Variants in ENTPD8 observed in about 807,000 individuals in gnomAD.
The protein encoded by ENTPD8 is E-NTPDase 8.
ENTPD8 carries 35 observed loss-of-function variants against 47.0 expected under a neutral mutation model. The ratio of observed to expected loss-of-function variants is 0.75; its 90% CI spans 0.57 to 0.99. ENTPD8 has a LOEUF of 0.99. Among genes scored for constraint, ENTPD8 ranks in the 50% least tolerant of loss-of-function variants. The probability of loss-of-function intolerance (pLI) is 0.00; values close to 1 mark genes in which losing one functional copy is unlikely to be tolerated. For synonymous variants in ENTPD8, 308 were observed against 290.5 expected (o/e 1.06, Z -0.61); for missense variants, 668 against 649.9 (o/e 1.03, Z -0.30).
rs1839288661 is a variant in ENTPD8 at position 137,434,750 on chromosome 9, C to G, written c.*164G>C. The stretch of plus-strand genomic sequence containing the variant: ...GACGCCGGGAGGGGAGGTCATGCAG[C>G]CTCTGTGGCCAGCACCACCCTGACG... On this transcript the variant is annotated 3_prime_UTR_variant, in exon 10 of 10. Transcript: ENST00000371506. 4.4e-6 allele frequency: 4 copies of G among 901,386 alleles called. No homozygotes were observed. The East Asian group carries it at 8.3e-5, about 19-fold the overall frequency. The allele number at this position is 901,386 out of a possible 1,614,324, so 55.8% of individuals were successfully genotyped here.
In ENTPD8 at chr9:137,435,852, G is replaced by A. The variant is rs755028105; in HGVS notation, c.1051-23C>T. 6 of 1,609,890 alleles carry A rather than the reference G, an allele frequency of 3.7e-6. No individual in the cohort carries two copies. The Admixed American group carries it at 6.7e-5, about 18-fold the overall frequency. ...GGCCTGAGTGAGAGGGGAGGTGGCTGTGCCTTCGCTGTGGCCACGCTGGGC... is the reference window on the plus strand; with the variant it reads ...GGCCTGAGTGAGAGGGGAGGTGGCTATGCCTTCGCTGTGGCCACGCTGGGC... On this transcript the variant is annotated intron_variant, in intron 7 of 9. Coordinates refer to ENST00000371506, the MANE Select transcript of ENTPD8 (RefSeq NM_001033113.2).
Position 137,436,924 on chromosome 9 carries a change from G to A in ENTPD8, c.500C>T (p.Ala167Val), listed in dbSNP as rs1564247341. 1 of 1,613,054 alleles carries A rather than the reference G, an allele frequency of 6.2e-7. No individual in the cohort carries two copies. The highest frequency in any genetic ancestry group is 8.5e-7 in the Non-Finnish European group (1 of 1,179,964). The change falls in exon 5 of 10, where the codon GCC (alanine) becomes GTC (valine). Residue 167 changes from alanine (A) to valine (V), a missense_variant. By Grantham distance (64) the Ala-to-Val change is moderately conservative. Coordinates refer to ENST00000371506, the MANE Select transcript of ENTPD8 (RefSeq NM_001033113.2). ...FWGAELLAGQ[A>V]EGAFGWITVN... The stretch of plus-strand genomic sequence containing the variant: ...AGTGATCCAACCAAAGGCACCTTCG[G>A]CCTGCCCGGCCAGGAGCTCGGCACC...
chr9:137,435,013 C>G lies in ENTPD8; in HGVS notation c.1389G>C (p.Glu463Asp). The G allele has an allele frequency of 1.2e-6, 2 of 1,611,386 alleles. No homozygotes were observed. Among genetic ancestry groups the G allele is most frequent in the Non-Finnish European group, 1.7e-6 (2 of 1,179,356 alleles). ...PADAPAQWRA[E>D]SYGVWVAKVV... ...CTTTGGCCACCCAGACGCCGTAGCT[C>G]TCTGCCCGCCACTGAGCCGGCGCAT... The change falls in exon 10 of 10, where the codon GAG (glutamate) becomes GAC (aspartate). Residue 463 changes from glutamate to aspartate, a missense_variant. By Grantham distance (45) the Glu-to-Asp change is conservative. Coordinates refer to ENST00000371506, the MANE Select transcript of ENTPD8 (RefSeq NM_001033113.2).
Position 137,438,362 on chromosome 9 carries a change from C to CCAGAGG in ENTPD8, c.-20-63_-20-58dup. 1 of 1,442,992 alleles carries CCAGAGG rather than the reference C, an allele frequency of 6.9e-7. No homozygotes were observed. The highest frequency in any genetic ancestry group is 2.5e-5 in the East Asian group (1 of 40,274). 89.4% of individuals were successfully genotyped at this position (1,442,992 alleles called of 1,614,324 possible). A position where few individuals can be genotyped will look rare whatever the true frequency, so the allele number is the denominator to read the frequency against. On this transcript the variant is annotated intron_variant, in intron 1 of 9. Coordinates refer to ENST00000371506, the MANE Select transcript of ENTPD8 (RefSeq NM_001033113.2). This position sits in a 1 kb window ranked among gnomAD's most constrained non-coding sequence, Gnocchi z 5.7. ...GCACTTGGTGTCCCCATCCCGCCCT[C>CCAGAGG]CAGAGGCAGAGGCTTCGCTCCCCGT...
rs958892910 is a variant in ENTPD8, at chr9:137,438,462, T to C, written c.-20-157A>G. Among the ~76,000 whole-genome samples, 3 of 148,612 alleles carry C rather than the reference T, an allele frequency of 2.0e-5. No individual in the cohort carries two copies. Among genetic ancestry groups the C allele is most frequent in the African/African-American group, 5.0e-5 (2 of 40,116 alleles). ...GGGGCTCAGACGCCTCCCGTGGCCATAGAGGCATCCCCGGGGCTCAGACGG... is the reference window on the plus strand; with the variant it reads ...GGGGCTCAGACGCCTCCCGTGGCCACAGAGGCATCCCCGGGGCTCAGACGG... On this transcript the variant is annotated intron_variant, in intron 1 of 9. Transcript: ENST00000371506. This position sits in a 1 kb window ranked among gnomAD's most constrained non-coding sequence, Gnocchi z 5.7.
chr9:137,435,099 C>T lies in ENTPD8; in HGVS notation c.1303G>A (p.Gly435Ser), dbSNP rs754220081. The part of the protein sequence containing the change: ...PSLEFRKQAG[G>S]VDIGWTLGYM... Reference sequence around the variant, plus strand: ...CCCAGTGTCCAGCCAATGTCCACACCGCCCGCCTGCGGGACACACGGCTGC... The same window carrying T: ...CCCAGTGTCCAGCCAATGTCCACACTGCCCGCCTGCGGGACACACGGCTGC... Residue 435 changes from glycine to serine, a missense_variant, in exon 10 of 10, where the codon GGT (glycine) becomes AGT (serine). Gly to Ser is a moderately conservative substitution (Grantham distance 56, BLOSUM62 0). Transcript: ENST00000371506. 1.2e-5 allele frequency: 20 copies of T among 1,608,726 alleles called. No individual in the cohort carries two copies. The highest frequency in any genetic ancestry group is 6.7e-5 in the East Asian group (3 of 44,834).
At chr9:137,439,094 G>A (rs962913087) in intron 1 of ENTPD8, among the ~76,000 whole-genome samples, 2 of 152,158 alleles carry the variant, frequency 1.3e-5, no homozygotes, top group East Asian at 1.9e-4. Flanking sequence ...CTAGGAAGCC[G>A]AGTGTGAGGC....
At position 137,437,263 on chromosome 9, in the gene ENTPD8, C is replaced by G; in HGVS notation, c.291G>C (p.Glu97Asp). 1 of 1,613,022 alleles carries G rather than the reference C, an allele frequency of 6.2e-7. No homozygotes were observed. Among genetic ancestry groups the G allele is most frequent in the Non-Finnish European group, 8.5e-7 (1 of 1,179,978 alleles). ...SYTSNAAQAG[E>D]SLQGCLEEAL... The stretch of plus-strand genomic sequence containing the variant: ...CCTCCTCCAAGCAGCCCTGCAGGCT[C>G]TCACCAGCCTGTGCAGCATTAGAAG... The change falls in exon 4 of 10, where the codon GAG (glutamate) becomes GAC (aspartate). Residue 97 changes from glutamate to aspartate, a missense_variant. Physicochemically the swap from Glu to Asp is conservative, Grantham distance 45. Coordinates refer to ENST00000371506, the MANE Select transcript of ENTPD8 (RefSeq NM_001033113.2).
rs552966559 is a variant in ENTPD8 at position 137,435,185 on chromosome 9, G to A, written c.1296+19C>T. 3.7e-6 allele frequency: 6 copies of A among 1,607,226 alleles called. No homozygotes were observed. Among genetic ancestry groups the A allele is most frequent in the South Asian group, 1.1e-5 (1 of 90,768 alleles). ...CTGCCCACGCCCACGCCCCGCCCAC[G>A]CCCAGGGGAGGCAGTCACCTGCTTT... On this transcript the variant is annotated intron_variant, in intron 9 of 9. Transcript: ENST00000371506.
rs1839285338 is a variant in ENTPD8, at chr9:137,434,684, A to G, written c.*230T>C. On this transcript the variant is annotated 3_prime_UTR_variant, in exon 10 of 10. Transcript: ENST00000371506. ...GCGGCCTGTGTGCAGAAAGGCACCT[A>G]CGGCCCTGGAAGCCCAGTTGCGGAA... 10 of 634,214 alleles carry G rather than the reference A, an allele frequency of 1.6e-5. No homozygotes were observed. Among genetic ancestry groups the G allele is most frequent in the South Asian group, 1.5e-4 (7 of 46,686 alleles). The allele number at this position is 634,214 out of a possible 1,614,324, so 39.3% of individuals were successfully genotyped here. A position where few individuals can be genotyped will look rare whatever the true frequency, so the allele number is the denominator to read the frequency against.
rs1328460650 is a variant in ENTPD8 at position 137,434,791 on chromosome 9, CTGTCA to C, written c.*118_*122del. 26 of 1,249,312 alleles carry C rather than the reference CTGTCA, an allele frequency of 2.1e-5. No homozygotes were observed. The African/African-American group carries it at 3.8e-4, about 18-fold the overall frequency. The allele number at this position is 1,249,312 out of a possible 1,614,324, so 77.4% of individuals were successfully genotyped here. On this transcript the variant is annotated 3_prime_UTR_variant, in exon 10 of 10. Coordinates refer to ENST00000371506, the MANE Select transcript of ENTPD8 (RefSeq NM_001033113.2). ...CACCCTGACGGTGCCCTGGAGGTGG[CTGTCA>C]CCTGACCGTGGGCAGAGCCACAGAG...
In ENTPD8 at chr9:137,435,004, G is replaced by T. The variant is rs773048615; in HGVS notation, c.1398C>A (p.Gly466=). Residue 466 remains glycine, a synonymous_variant, in exon 10 of 10, where the codon GGC becomes GGA. Transcript: ENST00000371506. ...APAQWRAESY[G]VWVAKVVFMV... ...TGAACACCACTTTGGCCACCCAGAC[G>T]CCGTAGCTCTCTGCCCGCCACTGAG... 6.2e-7 allele frequency: 1 copy of T among 1,612,272 alleles called. No individual in the cohort carries two copies. The highest frequency in any genetic ancestry group is 8.5e-7 in the Non-Finnish European group (1 of 1,179,758).
chr9:137,435,165 C>CT (rs1839305061), intron 9 of ENTPD8, 39 bp downstream of exon 9: 2 of 1,601,744 alleles, frequency 1.2e-6, no homozygotes, highest in African/African-American at 2.7e-5. Context: ...ACGACCTGCC[C>CT]ACGCCCACGC....
intron 3 of ENTPD8, among the ~76,000 whole-genome samples, 162 bp from the exon 4 acceptor site, chr9:137,437,471 G>A (rs975915180): frequency 1.3e-5 from 2 of 152,234 alleles, no homozygotes; most frequent in African/African-American, 4.8e-5. Context: ...CTAACCCAGA[G>A]CCTCTGGAGG....
At position 137,436,957 on chromosome 9, in the gene ENTPD8, T is replaced by G; in HGVS notation, c.467A>C (p.Asp156Ala). 1 of 1,612,990 alleles carries G rather than the reference T, an allele frequency of 6.2e-7. No homozygotes were observed. The highest frequency in any genetic ancestry group is 1.1e-5 in the South Asian group (1 of 91,086). Residue 156 changes from aspartate (D) to alanine (A), a missense_variant, in exon 5 of 10, where the codon GAC becomes GCC. Asp to Ala is a moderately radical substitution (Grantham distance 126). Coordinates refer to ENST00000371506, the MANE Select transcript of ENTPD8 (RefSeq NM_001033113.2). ...VTQVLGRSPV[D>A]FWGAELLAGQ... ...GGCCAGGAGCTCGGCACCCCAAAAGTCCACGGGAGACCGGCCCAGGACCTG... is the reference window on the plus strand; with the variant it reads ...GGCCAGGAGCTCGGCACCCCAAAAGGCCACGGGAGACCGGCCCAGGACCTG...
intron 8 of ENTPD8, 62 bp from the exon 9 acceptor site, chr9:137,435,400 G>A (rs530607873): frequency 3.3e-5 from 51 of 1,562,278 alleles, no homozygotes; most frequent in East Asian, 3.2e-4. Flanking sequence ...TGCGGGGACC[G>A]CCCCATCTGT....
chr9:137,439,786 G>A (rs1471989841), intron 1 of ENTPD8, among the ~76,000 whole-genome samples: 1 of 151,776 alleles, frequency 6.6e-6, no homozygotes, highest in African/African-American at 2.4e-5. Flanking sequence ...CCTCCAGGTA[G>A]GCAAAGAGGT....
At chr9:137,437,113 C>T in intron 4 of ENTPD8, 46 bp downstream of exon 4, 1 of 1,603,736 alleles carries the variant, frequency 6.2e-7, no homozygotes, top group South Asian at 1.1e-5. Context: ...GAGACCATGG[C>T]TTCTGCAGCC....
intron 1 of ENTPD8, among the ~76,000 whole-genome samples, chr9:137,439,229 G>A (rs913776759): frequency 6.6e-6 from 1 of 152,154 alleles, no homozygotes; most frequent in African/African-American, 2.4e-5. Context: ...CATCTGAGGG[G>A]CCTGGGCTTC....
Sources: allele counts gnomAD v4.1 joint callset (sites outside exome capture counted in the v4.1 genomes callset), GRCh38; gene constraint gnomAD v4.1.1; non-coding constraint Gnocchi (gnomAD v3.1); transcripts MANE v1.5; gene names NCBI Gene and HGNC (gene_info 2026-07-23, HGNC 2026-07-21).